HECTD4: variants seen among roughly 807,000 people sequenced by gnomAD.
HECTD4 encodes probable E3 ubiquitin-protein ligase HECTD4.
HECTD4 carries 114 observed loss-of-function variants against 471.5 expected under a neutral mutation model. The ratio of observed to expected loss-of-function variants is 0.24; its 90% CI spans 0.21 to 0.28. The LOEUF (loss-of-function observed/expected upper bound fraction) is 0.28, where lower values mean the gene tolerates loss of function less well. HECTD4 is among the 10% of genes least tolerant of loss of function. HECTD4 has a pLI of 1.00. For missense variants in HECTD4, 3,866 were observed against 5,651.5 expected (o/e 0.68, Z 10.13); for synonymous variants, 2,012 against 2,256.0 (o/e 0.89, Z 3.07).
chr12:112,162,630 A>G lies in HECTD4; in HGVS notation c.13121-107T>C, dbSNP rs1256039999. 3 of 1,375,384 alleles carry G rather than the reference A, an allele frequency of 2.2e-6. No homozygotes were observed. The highest frequency in any genetic ancestry group is 2.4e-5 in the East Asian group (1 of 41,774). The allele number at this position is 1,375,384 out of a possible 1,614,324, so 85.2% of individuals were successfully genotyped here. A position where few individuals can be genotyped will look rare whatever the true frequency, so the allele number is the denominator to read the frequency against. ...AGGTTTGCCTCCTTGGGTAGCCCCA[A>G]GCCAATCCTGGGGCCCAGCAGGAGG... On this transcript the variant is annotated intron_variant, in intron 75 of 75. Transcript: ENST00000682272. This position sits in a 1 kb window ranked among gnomAD's most constrained non-coding sequence, Gnocchi z 5.2.
chr12:112,381,059 G>A lies in HECTD4; in HGVS notation c.177+893C>T, dbSNP rs568674150. Among the ~76,000 whole-genome samples, 9 of 152,208 alleles carry A rather than the reference G, an allele frequency of 5.9e-5. No homozygotes were observed. The highest frequency in any genetic ancestry group is 3.4e-3 in the Middle Eastern group (1 of 294). ...AATGTCATCCCACAAAGTGGAAGGGGAGCAGTGTCAGCATCCGTTGGCCTC... is the reference window on the plus strand; with the variant it reads ...AATGTCATCCCACAAAGTGGAAGGGAAGCAGTGTCAGCATCCGTTGGCCTC... On this transcript the variant is annotated intron_variant, in intron 1 of 75. Coordinates refer to ENST00000682272, the MANE Select transcript of HECTD4 (RefSeq NM_001388303.1). The surrounding 1 kb of genome is among the most constrained non-coding windows in gnomAD (Gnocchi z 4.1).
rs1479453096 is a variant in HECTD4, at chr12:112,207,985, G to A, written c.8020C>T (p.Leu2674=). Residue 2674 remains leucine (L), a synonymous_variant, in exon 52 of 76, where the codon CTG becomes TTG. Transcript: ENST00000682272. Reference sequence around the variant, plus strand: ...TTGGTCTCCCATGCTTTCACCAGCAGGGCGTAGTGGTCCTCCTGGAAGCAG... The same window carrying A: ...TTGGTCTCCCATGCTTTCACCAGCAAGGCGTAGTGGTCCTCCTGGAAGCAG... ...DDIPQEDHYA[L]LVKAWETKVF... 1.2e-6 allele frequency: 2 copies of A among 1,613,432 alleles called. No homozygotes were observed. Among genetic ancestry groups the A allele is most frequent in the Admixed American group, 1.7e-5 (1 of 59,922 alleles).
At chr12:112,338,492 G>A (rs897904927) in intron 1 of HECTD4, among the ~76,000 whole-genome samples, 12 of 152,066 alleles carry the variant, frequency 7.9e-5, no homozygotes, top group Non-Finnish European at 1.6e-4. Flanking sequence ...ATGGTGGTGC[G>A]TGCCTGTAGT....
At chr12:112,329,443 T>C (rs1408257734) in intron 1 of HECTD4, among the ~76,000 whole-genome samples, 10 of 151,766 alleles carry the variant, frequency 6.6e-5, no homozygotes, top group Non-Finnish European at 1.0e-4. Flanking sequence ...TCTCAGCTTA[T>C]TGCAACCTCC....
At chr12:112,170,219 G>T in intron 69 of HECTD4, 114 bp downstream of exon 69, 1 of 1,412,640 alleles carries the variant, frequency 7.1e-7, no homozygotes, top group Non-Finnish European at 9.6e-7. Flanking sequence ...CCAGCAGAAC[G>T]ACAGGAGGAA....
At chr12:112,310,425 T>C (rs1460528824) in intron 4 of HECTD4, among the ~76,000 whole-genome samples, 7 of 152,176 alleles carry the variant, frequency 4.6e-5, no homozygotes, top group African/African-American at 1.2e-4. Context: ...TCTAAAACAG[T>C]ATCTCTCTAT....
chr12:112,290,872 A>AAAAAC (rs2034870276), intron 7 of HECTD4, among the ~76,000 whole-genome samples: 1 of 151,344 alleles, frequency 6.6e-6, no homozygotes, highest in African/African-American at 2.4e-5. Context: ...ACAAAAAAAA[A>AAAAAC]AAACAAATCA....
At chr12:112,317,956 C>CAA (rs59773169) in intron 2 of HECTD4, among the ~76,000 whole-genome samples, 359 of 22,218 alleles carry the variant, frequency 0.016, 21 homozygotes, top group African/African-American at 0.042. Context: ...GACCCCATCT[C>CAA]AAAAAAAAAA....
rs1241923967 is a variant in HECTD4, at chr12:112,173,204, C to T, written c.11595-343G>A. Among the ~76,000 whole-genome samples, 1 of 151,972 alleles carries T rather than the reference C, an allele frequency of 6.6e-6. No homozygotes were observed. Among genetic ancestry groups the T allele is most frequent in the Non-Finnish European group, 1.5e-5 (1 of 68,010 alleles). Reference sequence around the variant, plus strand: ...GCAGTGTGTCACACAACTTTTTTCTCCTTAGAGACAAAATCTTGCTCTGTT... The same window carrying T: ...GCAGTGTGTCACACAACTTTTTTCTTCTTAGAGACAAAATCTTGCTCTGTT... On this transcript the variant is annotated intron_variant, in intron 66 of 75. Coordinates refer to ENST00000682272, the MANE Select transcript of HECTD4 (RefSeq NM_001388303.1). The surrounding 1 kb of genome is among the most constrained non-coding windows in gnomAD (Gnocchi z 4.3).
intron 49 of HECTD4, among the ~76,000 whole-genome samples, chr12:112,211,107 T>A (rs753400859): frequency 3.3e-4 from 51 of 152,274 alleles, no homozygotes; most frequent in Non-Finnish European, 2.2e-4. Context: ...ATCCCAGCAC[T>A]TTGGGAGGCC....
At chr12:112,316,095 T>A (rs1405325620) in intron 2 of HECTD4, among the ~76,000 whole-genome samples, 1 of 152,124 alleles carries the variant, frequency 6.6e-6, no homozygotes, top group Non-Finnish European at 1.5e-5. Context: ...AACCCCTATG[T>A]GATCTGGGCC....
intron 21 of HECTD4, among the ~76,000 whole-genome samples, chr12:112,255,003 C>T (rs777490679): frequency 6.6e-6 from 1 of 152,176 alleles, no homozygotes; most frequent in South Asian, 2.1e-4. Flanking sequence ...CTTATTATTT[C>T]GTGATTTCTT....
At chr12:112,261,157 G>T in intron 18 of HECTD4, 148 bp downstream of exon 18, 1 of 767,034 alleles carries the variant, frequency 1.3e-6, no homozygotes, top group Non-Finnish European at 1.9e-6. Flanking sequence ...ACTGCACTTG[G>T]CTTTCAAACA....
rs2036018372 is a variant in HECTD4, at chr12:112,339,533, T to TAG, written c.178-19793_178-19792dup. Among the ~76,000 whole-genome samples, 5 of 152,198 alleles carry TAG rather than the reference T, an allele frequency of 3.3e-5. No individual in the cohort carries two copies. The South Asian group carries it at 1.0e-3, about 32-fold the overall frequency. On this transcript the variant is annotated intron_variant, in intron 1 of 75. Coordinates refer to ENST00000682272, the MANE Select transcript of HECTD4 (RefSeq NM_001388303.1). ...AGCTGACCAGGAGCTTTAAAGGTAC[T>TAG]AGTAAGGGTCTATATCTTAACTGGA...
At chr12:112,350,488 G>A (rs967904243) in intron 1 of HECTD4, among the ~76,000 whole-genome samples, 1 of 152,186 alleles carries the variant, frequency 6.6e-6, no homozygotes, top group Non-Finnish European at 1.5e-5. Flanking sequence ...GCTTCTGAGA[G>A]GTTTAAAGTA....
chr12:112,204,307 G>A (rs1442503944), intron 53 of HECTD4, among the ~76,000 whole-genome samples, 179 bp downstream of exon 53: 3 of 152,220 alleles, frequency 2.0e-5, no homozygotes, highest in Admixed American at 6.5e-5. Context: ...CTGGGAAGTG[G>A]GAAGGGCCCC....
chr12:112,207,391 C>T (rs2032623485), intron 52 of HECTD4, among the ~76,000 whole-genome samples: 1 of 150,316 alleles, frequency 6.7e-6, no homozygotes, highest in Non-Finnish European at 1.5e-5. Context: ...GATCCACCCA[C>T]CTCAGCCTCC....
At chr12:112,295,944 G>C (rs1344362764) in intron 7 of HECTD4, among the ~76,000 whole-genome samples, 2 of 152,152 alleles carry the variant, frequency 1.3e-5, no homozygotes, top group East Asian at 3.8e-4. Context: ...TTACAGGTGT[G>C]AGCCACTGTG....
At position 112,179,325 on chromosome 12, in the gene HECTD4, G is replaced by A. The variant is rs758453000; in HGVS notation, c.11060C>T (p.Thr3687Met). 25 of 1,613,240 alleles carry A rather than the reference G, an allele frequency of 1.5e-5. No individual in the cohort carries two copies. Among genetic ancestry groups the A allele is most frequent in the Admixed American group, 6.7e-5 (4 of 59,872 alleles). Residue 3687 changes from threonine (T) to methionine (M), a missense_variant, in exon 63 of 76, where the codon ACG (threonine) becomes ATG (methionine). This residue lies in a region of HECTD4 where 715 missense variants were observed against 1,087.6 expected (regional missense o/e 0.66). Coordinates refer to ENST00000682272, the MANE Select transcript of HECTD4 (RefSeq NM_001388303.1). The surrounding 1 kb of genome is among the most constrained non-coding windows in gnomAD (Gnocchi z 4.3). ...IFKSCAHSEQ[T>M]LSLTPAKPIR... is the part of the protein sequence containing the mutation. ...GGGCTTCGCTGGTGTCAGGCTCAGC[G>A]TCTGCTCTGAATGGGCACAACTCTT...
Sources: allele counts gnomAD v4.1 joint callset (sites outside exome capture counted in the v4.1 genomes callset), GRCh38; gene constraint gnomAD v4.1.1; regional missense constraint gnomAD v4.1.1; non-coding constraint Gnocchi (gnomAD v3.1); transcripts MANE v1.5; gene names NCBI Gene and HGNC (gene_info 2026-07-23, HGNC 2026-07-21).